Variants in CALN1 observed in about 807,000 individuals in gnomAD.
CALN1 encodes calneuron 1.
Under a neutral mutation model 30.6 loss-of-function variants are expected in CALN1, and 17 were observed. That is an observed-to-expected ratio of 0.56 (90% confidence interval 0.38 to 0.83). CALN1 has a LOEUF of 0.83. CALN1 is among the 40% of genes least tolerant of loss of function. CALN1 has a pLI of 0.00. For missense variants in CALN1, 291 were observed against 354.9 expected (o/e 0.82, Z 1.45); for synonymous variants, 156 against 131.4 (o/e 1.19, Z -1.28).
intron 5 of CALN1, among the ~76,000 whole-genome samples, chr7:71,895,617 T>C (rs1459791516): frequency 6.6e-6 from 1 of 152,210 alleles, no homozygotes; most frequent in Non-Finnish European, 1.5e-5. Flanking sequence ...GATATAAATA[T>C]TACATTCATG....
chr7:72,294,364 ATGTT>A (rs767770782), intron 2 of CALN1, among the ~76,000 whole-genome samples: 182 of 152,304 alleles, frequency 1.2e-3, no homozygotes, highest in Non-Finnish European at 2.0e-3. Flanking sequence ...AGGTCATTCT[ATGTT>A]TGAGGGTAAA....
At chr7:71,991,631 C>G (rs550132293) in intron 5 of CALN1, among the ~76,000 whole-genome samples, 2 of 152,192 alleles carry the variant, frequency 1.3e-5, no homozygotes, top group African/African-American at 4.8e-5. Flanking sequence ...TTGTACAAAA[C>G]AGATTCTCTA....
At chr7:72,378,720 C>T (rs1466117851) in intron 2 of CALN1, among the ~76,000 whole-genome samples, 1 of 149,950 alleles carries the variant, frequency 6.7e-6, no homozygotes, top group Non-Finnish European at 1.5e-5. Flanking sequence ...TCTCAAAATA[C>T]AAATATAACA....
intron 1 of CALN1, among the ~76,000 whole-genome samples, chr7:72,420,014 C>T (rs772369922): frequency 1.3e-5 from 2 of 152,134 alleles, no homozygotes; most frequent in African/African-American, 2.4e-5. Flanking sequence ...AACAAGAACT[C>T]GGGTGTCAAA....
At chr7:72,249,959 AAGAGAG>A (rs1554337553) in intron 3 of CALN1, among the ~76,000 whole-genome samples, 11 of 147,668 alleles carry the variant, frequency 7.4e-5, no homozygotes, top group Non-Finnish European at 8.9e-5. Context: ...AAAAAAAAAA[AAGAGAG>A]AGAGAGAGAG....
chr7:72,262,887 G>T (rs1266000060), intron 3 of CALN1, among the ~76,000 whole-genome samples: 2 of 152,210 alleles, frequency 1.3e-5, no homozygotes, highest in African/African-American at 4.8e-5. Context: ...AGGTTGAAGT[G>T]GGGGAGTAGG....
chr7:72,323,235 A>C (rs1801019350), intron 2 of CALN1, among the ~76,000 whole-genome samples: 1 of 152,078 alleles, frequency 6.6e-6, no homozygotes, highest in Non-Finnish European at 1.5e-5. Context: ...GCAGGAACCC[A>C]GTCCTTTGTT....
At chr7:71,935,881 G>A (rs1795802826) in intron 5 of CALN1, among the ~76,000 whole-genome samples, 1 of 152,130 alleles carries the variant, frequency 6.6e-6, no homozygotes, top group Non-Finnish European at 1.5e-5. Context: ...GCAATCTACA[G>A]GTTACATGTA....
intron 5 of CALN1, among the ~76,000 whole-genome samples, chr7:71,909,530 ATTG>A (rs1484639302): frequency 6.6e-6 from 1 of 152,140 alleles, no homozygotes; most frequent in Non-Finnish European, 1.5e-5. Context: ...GGAATATTAG[ATTG>A]TTATTATCCA....
chr7:72,084,667 A>AT (rs1805367421), intron 4 of CALN1, among the ~76,000 whole-genome samples: 1 of 152,154 alleles, frequency 6.6e-6, no homozygotes, highest in East Asian at 1.9e-4. Context: ...GCAGGCAGAG[A>AT]TTTTTTTCAA....
At position 72,336,803 on chromosome 7, in the gene CALN1, G is replaced by A. The variant is rs546935550; in HGVS notation, c.120-57993C>T. On this transcript the variant is annotated intron_variant, in intron 2 of 6. Coordinates refer to ENST00000395275, the MANE Select transcript of CALN1 (RefSeq NM_031468.4). ...CCGCAGGGAGGGGGCGGTGCGGAAT[G>A]GATGCGCCGAGCGGGCAGCGCTCAG... The A allele has an allele frequency of 2.7e-5, 27 of 985,038 alleles. No homozygotes were observed. The South Asian group carries it at 1.2e-3, about 43-fold the overall frequency. The allele number at this position is 985,038 out of a possible 1,614,324, so 61.0% of individuals were successfully genotyped here.
At chr7:72,304,147 A>G (rs184739170) in intron 2 of CALN1, among the ~76,000 whole-genome samples, 9 of 152,360 alleles carry the variant, frequency 5.9e-5, no homozygotes, top group African/African-American at 1.9e-4. Flanking sequence ...GGGAGGTCCA[A>G]AGGTATGGTT....
At chr7:71,983,541 C>G (rs201398821) in intron 5 of CALN1, among the ~76,000 whole-genome samples, 2,856 of 150,104 alleles carry the variant, frequency 0.019, 77 homozygotes, top group African/African-American at 0.067. Flanking sequence ...CTTTTTTTTT[C>G]TTTTTTTGAG....
At chr7:72,031,734 ATTTTTTTTTTTTTT>A (rs544026184) in intron 4 of CALN1, among the ~76,000 whole-genome samples, 1 of 114,684 alleles carries the variant, frequency 8.7e-6, no homozygotes, top group Non-Finnish European at 1.8e-5. Context: ...CGCCTGGCTA[ATTTTTTTTTTTTTT>A]TTTTTTTTTT....
In CALN1 at chr7:72,054,260, A is replaced by G. The variant is rs190318028; in HGVS notation, c.389-30491T>C. On this transcript the variant is annotated intron_variant, in intron 4 of 6. Coordinates refer to ENST00000395275, the MANE Select transcript of CALN1 (RefSeq NM_031468.4). The stretch of plus-strand genomic sequence containing the variant: ...GGCTGTACTAGTTTACATTCCCACC[A>G]GCAGTGTAGTTATTTTTGACTTTTT... 2.6e-4 allele frequency among the ~76,000 whole-genome samples: 39 copies of G among 151,976 alleles called. No individual in the cohort carries two copies. In the East Asian group the frequency reaches 3.7e-3, roughly 14 times the overall value.
At chr7:72,312,374 CAG>C (rs1467221438) in intron 2 of CALN1, among the ~76,000 whole-genome samples, 5 of 133,384 alleles carry the variant, frequency 3.7e-5, no homozygotes, top group Admixed American at 1.7e-4. Flanking sequence ...GCCTAGACAA[CAG>C]AGTGAGACTT....
At chr7:72,366,462 T>G (rs1192968651) in intron 2 of CALN1, among the ~76,000 whole-genome samples, 1 of 152,136 alleles carries the variant, frequency 6.6e-6, no homozygotes, top group African/African-American at 2.4e-5. Context: ...AGGCATGAGC[T>G]ACAGCGCCTG....
At chr7:71,879,489 T>C (rs944225057) in intron 5 of CALN1, among the ~76,000 whole-genome samples, 1 of 152,204 alleles carries the variant, frequency 6.6e-6, no homozygotes, top group African/African-American at 2.4e-5. Context: ...GAGGCTTCCC[T>C]TCCAGAGGCT....
intron 2 of CALN1, among the ~76,000 whole-genome samples, chr7:72,367,734 C>T (rs538230038): frequency 4.7e-5 from 7 of 150,460 alleles, no homozygotes; most frequent in Middle Eastern, 6.8e-3. Context: ...ATTCAGGAAG[C>T]TGAGGCAAGG....
Sources: gnomAD v4.1 joint callset for allele counts (sites outside exome capture counted in the v4.1 genomes callset) on GRCh38, gnomAD v4.1.1 for gene constraint, MANE v1.5 for transcripts, NCBI Gene and HGNC (gene_info 2026-07-23, HGNC 2026-07-21) for gene names.